VWA8: variants seen among roughly 807,000 people sequenced by gnomAD.
VWA8 encodes von Willebrand factor A domain-containing protein 8.
In VWA8, 221 loss-of-function variants were observed where a neutral mutation model predicts 241.5. The observed-to-expected ratio is 0.91, with a 90% CI of 0.82 to 1.02. The LOEUF (loss-of-function observed/expected upper bound fraction) is 1.02, where lower values mean the gene tolerates loss of function less well. Among genes scored for constraint, VWA8 ranks in the 50% least tolerant of loss-of-function variants. The pLI is 0.00. For missense variants in VWA8, 2,322 were observed against 2,328.7 expected, an observed-to-expected ratio of 1.00 and a Z score of 0.06; for synonymous variants, 852 against 827.1, an observed-to-expected ratio of 1.03 and a Z score of -0.52.
chr13:41,682,660 T>C (rs2045109087), intron 35 of VWA8, among the ~76,000 whole-genome samples: 1 of 152,078 alleles, frequency 6.6e-6, no homozygotes. Flanking sequence ...AGTTGGGTGC[T>C]GCTTGAGCCT....
intron 12 of VWA8, among the ~76,000 whole-genome samples, chr13:41,854,544 T>G (rs1388307099): frequency 6.6e-6 from 1 of 151,396 alleles, no homozygotes; most frequent in Non-Finnish European, 1.5e-5. Context: ...TTTTCCTTTT[T>G]CTGCATGCAC....
At chr13:41,599,564 T>C (rs1030144485) in intron 40 of VWA8, among the ~76,000 whole-genome samples, 1 of 152,140 alleles carries the variant, frequency 6.6e-6, no homozygotes, top group African/African-American at 2.4e-5. Context: ...AATGATGAGA[T>C]ACAAAACTGT....
intron 17 of VWA8, among the ~76,000 whole-genome samples, chr13:41,808,378 G>A (rs1253574314): frequency 6.6e-6 from 1 of 152,088 alleles, no homozygotes; most frequent in African/African-American, 2.4e-5. Context: ...TTGTCTTATG[G>A]GGAGGCTTTA....
chr13:41,671,259 T>C lies in VWA8; in HGVS notation c.4410-112A>G, dbSNP rs1023214123. Reference sequence around the variant, plus strand: ...TGAAAAAGTATGCTCACACTACTCATTATTTTATACCTGCTCTTACCTCTG... The same window carrying C: ...TGAAAAAGTATGCTCACACTACTCACTATTTTATACCTGCTCTTACCTCTG... On this transcript the variant is annotated intron_variant, in intron 36 of 44. Coordinates refer to ENST00000379310, the MANE Select transcript of VWA8 (RefSeq NM_015058.2). The C allele has an allele frequency of 8.6e-6, 10 of 1,161,638 alleles. No homozygotes were observed. The African/African-American group carries it at 1.5e-4, about 18-fold the overall frequency. The allele number at this position is 1,161,638 out of a possible 1,614,324, so 72.0% of individuals were successfully genotyped here.
At chr13:41,635,458 T>C (rs1358250914) in intron 37 of VWA8, among the ~76,000 whole-genome samples, 1 of 152,220 alleles carries the variant, frequency 6.6e-6, no homozygotes, top group South Asian at 2.1e-4. Flanking sequence ...AAAAACTATG[T>C]CCATACGTAA....
At chr13:41,945,490 T>C (rs1877808951) in intron 2 of VWA8, among the ~76,000 whole-genome samples, 1 of 152,140 alleles carries the variant, frequency 6.6e-6, no homozygotes, top group Non-Finnish European at 1.5e-5. Flanking sequence ...TTAAATCAGC[T>C]ACCACAAATA....
intron 26 of VWA8, among the ~76,000 whole-genome samples, chr13:41,707,111 T>G (rs74051073): frequency 0.057 from 8,633 of 152,280 alleles, 292 homozygotes; most frequent in East Asian, 0.12. Flanking sequence ...ATTATAGTAT[T>G]TGAGCAAGTT....
rs112586843 is a variant in VWA8 at position 41,868,596 on chromosome 13, G to A, written c.1081-119C>T. Reference sequence around the variant, plus strand: ...CATTTTATATTATTATATAAAAGTAGAGGTTAGGCCAAGGGCGGTGGCTCA... The same window carrying A: ...CATTTTATATTATTATATAAAAGTAAAGGTTAGGCCAAGGGCGGTGGCTCA... On this transcript the variant is annotated intron_variant, in intron 9 of 44. Transcript: ENST00000379310. 54 of 1,273,746 alleles carry A rather than the reference G, an allele frequency of 4.2e-5. 1 individual carries two copies. The highest frequency in any genetic ancestry group is 3.6e-4 in the African/African-American group (24 of 66,356). The allele number at this position is 1,273,746 out of a possible 1,614,324, so 78.9% of individuals were successfully genotyped here. A position where few individuals can be genotyped will look rare whatever the true frequency, so the allele number is the denominator to read the frequency against.
In VWA8 at chr13:41,810,077, T is replaced by C. The variant is rs536626781; in HGVS notation, c.2063+1148A>G. ...CACCTCACCCCAATTAAAATGGCTT[T>C]TATCCAAAAGATAGGCAATAACAAA... On this transcript the variant is annotated intron_variant, in intron 17 of 44. Transcript: ENST00000379310. 4.6e-5 allele frequency among the ~76,000 whole-genome samples: 7 copies of C among 152,160 alleles called. No homozygotes were observed. The South Asian group carries it at 1.5e-3, about 32-fold the overall frequency.
intron 40 of VWA8, among the ~76,000 whole-genome samples, chr13:41,595,017 T>C (rs1274051525): frequency 6.6e-6 from 1 of 152,182 alleles, no homozygotes; most frequent in African/African-American, 2.4e-5. Context: ...ATGAAATAGA[T>C]CACAGAATGC....
chr13:41,590,456 A>C (rs1220090321), intron 41 of VWA8, among the ~76,000 whole-genome samples, 184 bp downstream of exon 41: 1 of 151,746 alleles, frequency 6.6e-6, no homozygotes, highest in African/African-American at 2.4e-5. Flanking sequence ...TGAGTTGAAT[A>C]ATAAATAGTA....
chr13:41,743,319 C>T (rs2045582023), intron 21 of VWA8, among the ~76,000 whole-genome samples: 1 of 152,210 alleles, frequency 6.6e-6, no homozygotes, highest in Non-Finnish European at 1.5e-5. Context: ...GAGCAATGGA[C>T]TGGTTCTCAC....
intron 21 of VWA8, among the ~76,000 whole-genome samples, chr13:41,746,012 G>A (rs2045603552): frequency 6.6e-6 from 1 of 151,990 alleles, no homozygotes. Flanking sequence ...AATAGTGATC[G>A]ACTTGAGGAA....
intron 39 of VWA8, among the ~76,000 whole-genome samples, chr13:41,606,798 C>T (rs2044556342): frequency 6.6e-6 from 1 of 152,110 alleles, no homozygotes; most frequent in Admixed American, 6.6e-5. Flanking sequence ...ACATTCCTGC[C>T]CTATCACCCC....
At chr13:41,880,796 G>A (rs1874133994) in intron 9 of VWA8, among the ~76,000 whole-genome samples, 1 of 152,114 alleles carries the variant, frequency 6.6e-6, no homozygotes, top group Non-Finnish European at 1.5e-5. Flanking sequence ...TGTCCCACCT[G>A]GTCAAGTTGA....
chr13:41,689,127 C>T (rs529157602), intron 34 of VWA8, among the ~76,000 whole-genome samples: 3 of 152,066 alleles, frequency 2.0e-5, no homozygotes, highest in Non-Finnish European at 4.4e-5. Context: ...CTCATTTCCC[C>T]CTACTAAATT....
At chr13:41,904,616 C>T (rs1875615615) in intron 4 of VWA8, among the ~76,000 whole-genome samples, 1 of 152,082 alleles carries the variant, frequency 6.6e-6, no homozygotes, top group African/African-American at 2.4e-5. Context: ...CAATCAAAAG[C>T]TGTATGCTTA....
At chr13:41,799,986 G>T (rs1869875643) in intron 17 of VWA8, among the ~76,000 whole-genome samples, 1 of 152,092 alleles carries the variant, frequency 6.6e-6, no homozygotes, top group Non-Finnish European at 1.5e-5. Context: ...TCTACTTTCT[G>T]TCTCTATGGA....
In VWA8 at chr13:41,830,653, A is replaced by G. The variant is rs375285821; in HGVS notation, c.1587-11T>C. 2.7e-5 allele frequency: 44 copies of G among 1,607,258 alleles called. No homozygotes were observed. In the East Asian group the frequency reaches 4.5e-4, roughly 16 times the overall value. ...CGATCATGGATTAACCTAACAAGAT[A>G]AGAAAAAAGCCCGAAAATAAATTAA... On this transcript the variant is annotated splice_polypyrimidine_tract_variant and intron_variant, in intron 13 of 44. Coordinates refer to ENST00000379310, the MANE Select transcript of VWA8 (RefSeq NM_015058.2).
Sources: gnomAD v4.1 joint callset for allele counts (sites outside exome capture counted in the v4.1 genomes callset) on GRCh38, gnomAD v4.1.1 for gene constraint, MANE v1.5 for transcripts, NCBI Gene and HGNC (gene_info 2026-07-23, HGNC 2026-07-21) for gene names.